The following GALNT13 variants were observed in gnomAD, a reference collection of about 807,000 sequenced individuals.
GALNT13 encodes polypeptide N-acetylgalactosaminyltransferase 13.
A neutral mutation model predicts 64.2 loss-of-function variants in GALNT13; 28 were observed. The observed-to-expected ratio is 0.44, with a 90% confidence interval of 0.32 to 0.60. GALNT13 has a LOEUF of 0.60. Among genes scored for constraint, GALNT13 ranks in the 20% least tolerant of loss-of-function variants. GALNT13 has a pLI of 0.05. For missense variants in GALNT13, 577 were observed against 669.8 expected (o/e 0.86, Z 1.53); for synonymous variants, 214 against 224.6 (o/e 0.95, Z 0.42).
chr2:153,930,672 G>C (rs532908410), intron 2 of GALNT13, among the ~76,000 whole-genome samples: 10 of 152,022 alleles, frequency 6.6e-5, no homozygotes, highest in Non-Finnish European at 4.4e-5. Flanking sequence ...CTGTTCCACT[G>C]GTCTATGTCT....
the GALNT13 span, chr2:153,158,949 G>A: frequency 1.3e-5 from 2 of 152,540 alleles, no homozygotes; most frequent in Non-Finnish European, 2.9e-5. Context: ...TGTTGTCCCG[G>A]GGGCACTTTC....
At chr2:153,376,534 G>A in the GALNT13 span, among the ~76,000 whole-genome samples, 1 of 152,100 alleles carries the variant, frequency 6.6e-6, no homozygotes, top group African/African-American at 2.4e-5. Context: ...GATGAACTTT[G>A]TTATATGAAT....
At chr2:153,379,537 T>C in the GALNT13 span, among the ~76,000 whole-genome samples, 1 of 152,176 alleles carries the variant, frequency 6.6e-6, no homozygotes, top group African/African-American at 2.4e-5. Flanking sequence ...GCAGTTAATG[T>C]GACAACAACG....
At chr2:154,000,481 C>G (rs183051215) in intron 3 of GALNT13, among the ~76,000 whole-genome samples, 51 of 151,904 alleles carry the variant, frequency 3.4e-4, no homozygotes, top group Non-Finnish European at 5.6e-4. Flanking sequence ...TTTGCTGTAT[C>G]TCATAGGTTT....
rs189728814 is a variant in GALNT13, at chr2:153,945,425, A to C, written c.142+786A>C. Among the ~76,000 whole-genome samples, 368 of 152,266 alleles carry C rather than the reference A, an allele frequency of 2.4e-3. 8 individuals carry two copies. In the East Asian group the frequency reaches 0.055, roughly 23 times the overall value. ...ACTTCTAAAATATGTAAGAGTACTCAAAATTAGTTTTATTCTCATTGAACT... is the reference window on the plus strand; with the variant it reads ...ACTTCTAAAATATGTAAGAGTACTCCAAATTAGTTTTATTCTCATTGAACT... On this transcript the variant is annotated intron_variant, in intron 3 of 12. Coordinates refer to ENST00000392825, the MANE Select transcript of GALNT13 (RefSeq NM_052917.4).
the GALNT13 span, among the ~76,000 whole-genome samples, chr2:153,245,254 A>G: frequency 6.6e-6 from 1 of 152,238 alleles, no homozygotes; most frequent in Non-Finnish European, 1.5e-5. Context: ...GATCCTGACA[A>G]GGAGGATTCT....
At chr2:154,017,203 T>C (rs1381894753) in intron 3 of GALNT13, among the ~76,000 whole-genome samples, 1 of 152,176 alleles carries the variant, frequency 6.6e-6, no homozygotes, top group Non-Finnish European at 1.5e-5. Context: ...TTCTCTTTAG[T>C]CTGACTAATA....
At chr2:154,295,798 TG>T (rs1174021583) in intron 8 of GALNT13, among the ~76,000 whole-genome samples, 1 of 152,076 alleles carries the variant, frequency 6.6e-6, no homozygotes, top group Non-Finnish European at 1.5e-5. Flanking sequence ...CAGGGGTTTG[TG>T]GGTTGCCTTC....
At chr2:153,717,769 C>T in the GALNT13 span, among the ~76,000 whole-genome samples, 228 of 152,178 alleles carry the variant, frequency 1.5e-3, 2 homozygotes, top group Middle Eastern at 3.4e-3. Context: ...ACCAATCTAA[C>T]AGTAGTTGGT....
chr2:153,526,995 A>G, the GALNT13 span, among the ~76,000 whole-genome samples: 13 of 152,286 alleles, frequency 8.5e-5, no homozygotes, highest in African/African-American at 2.9e-4. Flanking sequence ...GTCTGAGGAG[A>G]CAAAAGCAAA....
intron 4 of GALNT13, among the ~76,000 whole-genome samples, chr2:154,191,752 GT>G (rs1487571833): frequency 6.6e-6 from 1 of 152,146 alleles, no homozygotes; most frequent in Non-Finnish European, 1.5e-5. Flanking sequence ...AGATGGGCAA[GT>G]TGTGGGGCTT....
At position 154,050,135 on chromosome 2, in the gene GALNT13, TAGAG is replaced by T. The variant is rs564462103; in HGVS notation, c.143-90198_143-90195del. On this transcript the variant is annotated intron_variant, in intron 3 of 12. Transcript: ENST00000392825. ...ATATAGTCAACATTGAAACTGAGAA[TAGAG>T]AGAAAGAGAAACAAGGGATTTTAAA... Among the ~76,000 whole-genome samples, 457 of 152,252 alleles carry T rather than the reference TAGAG, an allele frequency of 3.0e-3. 3 individuals are homozygous for T. Among genetic ancestry groups the T allele is most frequent in the African/African-American group, 0.01 (435 of 41,542 alleles).
chr2:153,251,186 A>G, the GALNT13 span, among the ~76,000 whole-genome samples: 1 of 152,218 alleles, frequency 6.6e-6, no homozygotes, highest in Non-Finnish European at 1.5e-5. Flanking sequence ...TCTTTGGATT[A>G]TATTTGTGTA....
At chr2:153,439,581 A>T in the GALNT13 span, among the ~76,000 whole-genome samples, 1 of 152,154 alleles carries the variant, frequency 6.6e-6, no homozygotes, top group Non-Finnish European at 1.5e-5. Context: ...CTGTGCTAGC[A>T]ATGAGGAAGG....
At chr2:154,034,298 A>G (rs1698523203) in intron 3 of GALNT13, among the ~76,000 whole-genome samples, 1 of 152,162 alleles carries the variant, frequency 6.6e-6, no homozygotes, top group Admixed American at 6.5e-5. Context: ...AACTAAATGA[A>G]CTATTGATAT....
intron 3 of GALNT13, among the ~76,000 whole-genome samples, chr2:154,022,737 G>A (rs1229763945): frequency 2.0e-5 from 3 of 152,050 alleles, no homozygotes; most frequent in African/African-American, 7.2e-5. Flanking sequence ...CCTTCTCCTA[G>A]CTTCTGAATG....
At chr2:153,757,511 T>A in the GALNT13 span, among the ~76,000 whole-genome samples, 9 of 152,298 alleles carry the variant, frequency 5.9e-5, no homozygotes, top group East Asian at 1.7e-3. Context: ...TTTCAAATCC[T>A]TTAGATATAC....
chr2:154,246,028 A>G, intron 7 of GALNT13, 46 bp downstream of exon 7: 1 of 1,288,104 alleles, frequency 7.8e-7, no homozygotes. Flanking sequence ...CCCCCTAAAA[A>G]TTAAGGAATA....
chr2:153,926,117 C>G (rs1330853995), intron 2 of GALNT13, among the ~76,000 whole-genome samples: 1 of 151,824 alleles, frequency 6.6e-6, no homozygotes, highest in Non-Finnish European at 1.5e-5. Flanking sequence ...CAACGCTTTT[C>G]TAAAGCAGAA....
Sources: gnomAD v4.1 joint callset for allele counts (sites outside exome capture counted in the v4.1 genomes callset) on GRCh38, gnomAD v4.1.1 for gene constraint, MANE v1.5 for transcripts, NCBI Gene and HGNC (gene_info 2026-07-23, HGNC 2026-07-21) for gene names.